The following HACL2 variants were observed in gnomAD, a reference collection of about 807,000 sequenced individuals.
The protein encoded by HACL2 is 2-hydroxyacyl-CoA lyase 2, also known as 2-hydroxyacyl-CoA lyase 1 like.
the HACL2 span, chr19:15,119,245 C>T: frequency 3.7e-6 from 6 of 1,609,866 alleles, no homozygotes; most frequent in Non-Finnish European, 5.1e-6. Context: ...TGCGGCCTAA[C>T]AGCCCCCGTG....
chr19:15,125,398 G>T, the HACL2 span: 1 of 272,678 alleles, frequency 3.7e-6, no homozygotes, highest in Non-Finnish European at 7.0e-6. Flanking sequence ...CAATGGACAG[G>T]CGGAAGCCCC....
the HACL2 span, chr19:15,117,451 A>C: frequency 6.3e-6 from 1 of 159,734 alleles, no homozygotes; most frequent in Non-Finnish European, 1.4e-5. Context: ...AGGCAGGAGG[A>C]TCACTTGAGG....
chr19:15,116,958 A>C, the HACL2 span: 2 of 180,600 alleles, frequency 1.1e-5, no homozygotes, highest in Non-Finnish European at 2.3e-5. Context: ...TCAAATGATC[A>C]AATGGAGGCT....
chr19:15,124,905 T>A, the HACL2 span: 1 of 1,592,566 alleles, frequency 6.3e-7, no homozygotes, highest in South Asian at 1.1e-5. Flanking sequence ...CCAGCCCACC[T>A]CCCATTCTGT....
At chr19:15,119,140 A>T in the HACL2 span, 6 of 1,521,564 alleles carry the variant, frequency 3.9e-6, no homozygotes, top group Non-Finnish European at 5.3e-6. Flanking sequence ...TGGGGGAAGG[A>T]GGGAAAGGAA....
At chr19:15,116,801 A>C in the HACL2 span, 2 of 439,454 alleles carry the variant, frequency 4.6e-6, no homozygotes, top group Non-Finnish European at 8.2e-6. Context: ...CCCTCCCTCC[A>C]CCTCCTTCTG....
chr19:15,122,272 T>C, the HACL2 span, among the ~76,000 whole-genome samples: 11,960 of 151,928 alleles, frequency 0.079, 1,359 homozygotes, highest in African/African-American at 0.26. The surrounding 1 kb of genome is among the most constrained non-coding windows in gnomAD (Gnocchi z 4.0). Flanking sequence ...CTTCCTCCTC[T>C]GTAAATGTAA....
At chr19:15,123,658 A>ACCTG in the HACL2 span, 1 of 1,288,304 alleles carries the variant, frequency 7.8e-7, no homozygotes, top group Non-Finnish European at 1.1e-6. The surrounding 1 kb of genome is among the most constrained non-coding windows in gnomAD (Gnocchi z 5.1). Flanking sequence ...CCCCTGCCCC[A>ACCTG]GGTAAGGGGG....
chr19:15,116,551 G>T, the HACL2 span: 3 of 1,570,150 alleles, frequency 1.9e-6, no homozygotes, highest in Non-Finnish European at 2.6e-6. Context: ...ACAGCTGTGG[G>T]GAGCTGGCTT....
At chr19:15,120,658 C>G in the HACL2 span, among the ~76,000 whole-genome samples, 2 of 152,228 alleles carry the variant, frequency 1.3e-5, no homozygotes, top group Non-Finnish European at 2.9e-5. Flanking sequence ...CAGCCCTCCC[C>G]TCAGGGGGCG....
the HACL2 span, chr19:15,119,869 C>T: frequency 9.4e-5 from 67 of 714,706 alleles, no homozygotes; most frequent in Middle Eastern, 4.5e-3. Context: ...GCCCTTGAGT[C>T]GCCATGAGCA....
the HACL2 span, among the ~76,000 whole-genome samples, chr19:15,121,077 G>A: frequency 6.6e-6 from 1 of 152,106 alleles, no homozygotes; most frequent in African/African-American, 2.4e-5. Flanking sequence ...TGACCAAAAT[G>A]GTGAAACCTC....
chr19:15,123,292 TCCA>T, the HACL2 span: 2 of 1,607,260 alleles, frequency 1.2e-6, no homozygotes, highest in Non-Finnish European at 1.7e-6. The surrounding 1 kb of genome is among the most constrained non-coding windows in gnomAD (Gnocchi z 5.1). Context: ...TGGCCATTCT[TCCA>T]CCTCTGAAAA....
the HACL2 span, chr19:15,123,685 G>A: frequency 2.1e-6 from 2 of 953,806 alleles, no homozygotes; most frequent in Non-Finnish European, 3.2e-6. This position sits in a 1 kb window ranked among gnomAD's most constrained non-coding sequence, Gnocchi z 5.1. Context: ...CAGGGTGAGA[G>A]GTCAAGAGAA....
the HACL2 span, chr19:15,115,179 A>G: frequency 4.0e-5 from 63 of 1,568,338 alleles, no homozygotes; most frequent in African/African-American, 8.0e-4. Context: ...AGGGCAAGCA[A>G]TGATGAGACT....
the HACL2 span, chr19:15,122,864 C>A: frequency 6.2e-7 from 1 of 1,612,854 alleles, no homozygotes; most frequent in Non-Finnish European, 8.5e-7. This position sits in a 1 kb window ranked among gnomAD's most constrained non-coding sequence, Gnocchi z 4.0. Flanking sequence ...GGCCCCAGCA[C>A]TGCTCAGCAT....
the HACL2 span, among the ~76,000 whole-genome samples, chr19:15,118,195 A>G: frequency 6.6e-6 from 1 of 152,140 alleles, no homozygotes; most frequent in Non-Finnish European, 1.5e-5. Flanking sequence ...GCCTCATGAC[A>G]TGCTTTGGCC....
the HACL2 span, chr19:15,117,691 A>T: frequency 1.7e-6 from 1 of 572,890 alleles, no homozygotes; most frequent in Non-Finnish European, 3.0e-6. Context: ...AAAAATAAAA[A>T]TAAAAAAAAT....
chr19:15,122,838 A>G, the HACL2 span: 5 of 1,613,608 alleles, frequency 3.1e-6, no homozygotes, highest in East Asian at 4.5e-5. This position sits in a 1 kb window ranked among gnomAD's most constrained non-coding sequence, Gnocchi z 4.0. Flanking sequence ...AGTCCATAAC[A>G]TGTCCCCAGC....
Sources: gnomAD v4.1 joint callset for allele counts (sites outside exome capture counted in the v4.1 genomes callset) on GRCh38, gnomAD v4.1.1 for gene constraint, Gnocchi (gnomAD v3.1) non-coding constraint, MANE v1.5 for transcripts, NCBI Gene and HGNC (gene_info 2026-07-23, HGNC 2026-07-21) for gene names.